TNNI3K: variants seen among roughly 807,000 people sequenced by gnomAD.
The protein encoded by TNNI3K is serine/threonine-protein kinase TNNI3K.
Under a neutral mutation model 114.5 loss-of-function variants are expected in TNNI3K, and 140 were observed. The observed-to-expected ratio is 1.22, with a 90% CI of 1.07 to 1.41. The LOEUF (loss-of-function observed/expected upper bound fraction) is 1.41, where lower values mean the gene tolerates loss of function less well. TNNI3K is among the 40% of genes most tolerant of loss of function. The pLI is 0.00. For synonymous variants in TNNI3K, 347 were observed against 347.5 expected (o/e 1.00, Z 0.02); for missense variants, 1,125 against 1,007.6 (o/e 1.12, Z -1.58).
chr1:74,518,874 C>CTTT (rs1327871291), intron 23 of TNNI3K, among the ~76,000 whole-genome samples: 1 of 29,050 alleles, frequency 3.4e-5, no homozygotes, highest in Non-Finnish European at 6.0e-5. Flanking sequence ...TTTTTTTCCC[C>CTTT]TTTTTTTTTT....
chr1:74,347,611 C>T (rs1319731218), intron 9 of TNNI3K, among the ~76,000 whole-genome samples: 1 of 152,112 alleles, frequency 6.6e-6, no homozygotes, highest in African/African-American at 2.4e-5. Flanking sequence ...GTTTACAGTC[C>T]CACCAACAGT....
Position 74,528,462 on chromosome 1 carries a change from G to A in TNNI3K, c.2352-11772G>A, listed in dbSNP as rs1013170217. ...ATGGGTGTGGGATATTGGAGCCCCC[G>A]TGGGTAAAGGAGGATATTTGTGTGT... On this transcript the variant is annotated intron_variant, in intron 23 of 24. Coordinates refer to ENST00000326637, the MANE Select transcript of TNNI3K (RefSeq NM_015978.3). Among the ~76,000 whole-genome samples the A allele has an allele frequency of 6.6e-5, 10 of 152,256 alleles. No homozygotes were observed. The East Asian group carries it at 1.5e-3, about 24-fold the overall frequency.
At chr1:74,319,138 A>G (rs1659473958) in intron 5 of TNNI3K, among the ~76,000 whole-genome samples, 1 of 152,194 alleles carries the variant, frequency 6.6e-6, no homozygotes, top group Admixed American at 6.5e-5. Context: ...GTGAGGCTGT[A>G]GCCATGTCAG....
At chr1:74,400,473 C>A (rs575402582) in intron 17 of TNNI3K, among the ~76,000 whole-genome samples, 1 of 152,188 alleles carries the variant, frequency 6.6e-6, no homozygotes, top group African/African-American at 2.4e-5. Context: ...ATCTCCTGGG[C>A]GGCCTGAGGC....
chr1:74,375,051 A>G (rs1345266675), intron 17 of TNNI3K: 1 of 151,422 alleles, frequency 6.6e-6, no homozygotes, highest in Non-Finnish European at 1.5e-5. Context: ...GTAAGGAATT[A>G]AATAGTGATA....
At chr1:74,250,216 ACT>A (rs1168288641) in intron 3 of TNNI3K, among the ~76,000 whole-genome samples, 1 of 152,192 alleles carries the variant, frequency 6.6e-6, no homozygotes, top group Non-Finnish European at 1.5e-5. Context: ...AACCAAACAG[ACT>A]CTGCTTAACA....
At chr1:74,348,305 T>G (rs1295292740) in intron 9 of TNNI3K, among the ~76,000 whole-genome samples, 2 of 152,208 alleles carry the variant, frequency 1.3e-5, no homozygotes, top group African/African-American at 4.8e-5. Context: ...ATCAGATAGT[T>G]GTAGATAAGC....
Position 74,370,277 on chromosome 1 carries a change from T to G in TNNI3K, c.1668-11T>G, listed in dbSNP as rs1662525765. ...CATTTCATCTCTGTTAAATCTATTT[T>G]TAAATTCTAGGATTCTTGATTTGCA... On this transcript the variant is annotated splice_polypyrimidine_tract_variant and intron_variant, in intron 16 of 24. Transcript: ENST00000326637. The G allele has an allele frequency of 6.3e-7, 1 of 1,580,846 alleles. No individual in the cohort carries two copies. Among genetic ancestry groups the G allele is most frequent in the African/African-American group, 1.4e-5 (1 of 73,748 alleles).
chr1:74,358,986 GT>G (rs921816743), intron 11 of TNNI3K, among the ~76,000 whole-genome samples: 5 of 151,616 alleles, frequency 3.3e-5, no homozygotes, highest in African/African-American at 1.2e-4. Flanking sequence ...TATTATCTTT[GT>G]TTTATAGATA....
chr1:74,242,956 T>G (rs1202467520), intron 2 of TNNI3K, among the ~76,000 whole-genome samples: 7 of 152,126 alleles, frequency 4.6e-5, no homozygotes, highest in Non-Finnish European at 1.0e-4. Flanking sequence ...TCTCTTCTTC[T>G]TTTCCATCCT....
chr1:74,422,766 A>G (rs942023077), intron 17 of TNNI3K, among the ~76,000 whole-genome samples: 1 of 152,150 alleles, frequency 6.6e-6, no homozygotes, highest in Non-Finnish European at 1.5e-5. Flanking sequence ...CAAGACAAAA[A>G]AAAACCCACT....
Position 74,540,237 on chromosome 1 carries a change from T to C in TNNI3K, c.2355T>C (p.Ala785=). 6.2e-7 allele frequency: 1 copy of C among 1,611,954 alleles called. No individual in the cohort carries two copies. The highest frequency in any genetic ancestry group is 8.5e-7 in the Non-Finnish European group (1 of 1,178,824). Residue 785 remains alanine, a synonymous_variant, in exon 24 of 25, where the codon GCT becomes GCC. Transcript: ENST00000326637. The part of the protein sequence containing the change: ...ARSYAALSQS[A]GQYSSQGLSL... ...CTGTGTTTTATTAATTTTCCAGTGC[T>C]GGACAATATTCCTCTCAAGGTCTGT...
At chr1:74,374,631 C>T (rs1052762162) in intron 17 of TNNI3K, 3 of 151,924 alleles carry the variant, frequency 2.0e-5, no homozygotes, top group African/African-American at 7.2e-5. Flanking sequence ...TTCTGTGTTC[C>T]TGCTTTATTT....
chr1:74,268,437 T>C (rs924711172), intron 4 of TNNI3K, among the ~76,000 whole-genome samples: 5 of 151,848 alleles, frequency 3.3e-5, no homozygotes, highest in African/African-American at 1.2e-4. Context: ...TAGTAGACGT[T>C]TTCTCGCTTC....
chr1:74,289,118 C>G (rs1291288911), intron 5 of TNNI3K, among the ~76,000 whole-genome samples: 7 of 151,490 alleles, frequency 4.6e-5, no homozygotes, highest in African/African-American at 1.7e-4. Flanking sequence ...ATATAAATAT[C>G]CAAAGAAGCA....
At chr1:74,275,017 T>C (rs1490549694) in intron 5 of TNNI3K, among the ~76,000 whole-genome samples, 1 of 152,034 alleles carries the variant, frequency 6.6e-6, no homozygotes, top group East Asian at 1.9e-4. Context: ...AGTCAAAAAA[T>C]TGTAAGCTGA....
intron 21 of TNNI3K, among the ~76,000 whole-genome samples, chr1:74,464,142 C>T (rs1667567391): frequency 6.6e-6 from 1 of 152,166 alleles, no homozygotes; most frequent in African/African-American, 2.4e-5. Context: ...AGGGAATAGT[C>T]ATATTATCAC....
intron 20 of TNNI3K, among the ~76,000 whole-genome samples, chr1:74,441,273 CA>C (rs1416947846): frequency 2.6e-5 from 4 of 152,100 alleles, no homozygotes; most frequent in African/African-American, 9.7e-5. Flanking sequence ...CCTTGGCAAC[CA>C]ATGACCTCAT....
chr1:74,449,658 A>C (rs1240090560), intron 20 of TNNI3K, among the ~76,000 whole-genome samples: 1 of 151,744 alleles, frequency 6.6e-6, no homozygotes, highest in Non-Finnish European at 1.5e-5. Flanking sequence ...GAGACAAAGA[A>C]GGCCATTACA....
Sources: allele counts gnomAD v4.1 joint callset (sites outside exome capture counted in the v4.1 genomes callset), GRCh38; gene constraint gnomAD v4.1.1; transcripts MANE v1.5; gene names NCBI Gene and HGNC (gene_info 2026-07-23, HGNC 2026-07-21).